The following SEL1L3 variants were observed in gnomAD, a reference collection of about 807,000 sequenced individuals.
The protein encoded by SEL1L3 is protein sel-1 homolog 3.
SEL1L3 carries 76 observed loss-of-function variants against 142.8 expected under a neutral mutation model. The ratio of observed to expected loss-of-function variants is 0.53; its 90% CI spans 0.44 to 0.64. The LOEUF (loss-of-function observed/expected upper bound fraction) is 0.64. Among genes scored for constraint, SEL1L3 ranks in the 30% least tolerant of loss-of-function variants. The pLI, the probability that SEL1L3 is intolerant of heterozygous loss-of-function variation, is 0.00. For synonymous variants in SEL1L3, 504 were observed against 519.6 expected (o/e 0.97, Z 0.41); for missense variants, 1,262 against 1,381.7 (o/e 0.91, Z 1.37).
chr4:25,804,601 T>A lies in SEL1L3; in HGVS notation c.1716A>T (p.Ala572=). ...TDSSCCGYHK[A]SYYLAVFYET... ...CATAAAAGACTGCAAGGTAGTAGGA[T>A]GCTTTATGGTATCCACAGCAGCTGG... Residue 572 remains alanine, a synonymous_variant, in exon 10 of 24, where the codon GCA becomes GCT. Transcript: ENST00000399878. 1 of 1,613,954 alleles carries A rather than the reference T, an allele frequency of 6.2e-7. No individual in the cohort carries two copies. Among genetic ancestry groups the A allele is most frequent in the Non-Finnish European group, 8.5e-7 (1 of 1,179,848 alleles).
chr4:25,798,545 C>A (rs73103970), intron 11 of SEL1L3, among the ~76,000 whole-genome samples: 30 of 152,012 alleles, frequency 2.0e-4, no homozygotes, highest in African/African-American at 6.8e-4. Context: ...AAGACCAGGA[C>A]GGCTGGGCGA....
At chr4:25,771,133 TA>T (rs1226763452) in intron 17 of SEL1L3, among the ~76,000 whole-genome samples, 1 of 152,266 alleles carries the variant, frequency 6.6e-6, no homozygotes, top group Non-Finnish European at 1.5e-5. Context: ...CAGATATTCC[TA>T]CACTTACATT....
At chr4:25,714,388 A>G in the SEL1L3 span, among the ~76,000 whole-genome samples, 1 of 152,186 alleles carries the variant, frequency 6.6e-6, no homozygotes, top group East Asian at 1.9e-4. Context: ...ATCATCTCCA[A>G]AAGTGCCATT....
chr4:25,766,785 T>C (rs1246696078), intron 19 of SEL1L3, among the ~76,000 whole-genome samples: 1 of 152,062 alleles, frequency 6.6e-6, no homozygotes, highest in Non-Finnish European at 1.5e-5. Flanking sequence ...AAGGTAGAAG[T>C]ACTTGGACTT....
In SEL1L3 at chr4:25,807,316, G is replaced by A. The variant is rs1577635566; in HGVS notation, c.1565-2564C>T. Reference sequence around the variant, plus strand: ...CTTCCCTCTGCTAATCTGTTAGGATGACATCTGCATGATAACACCCCTTTT... The same window carrying A: ...CTTCCCTCTGCTAATCTGTTAGGATAACATCTGCATGATAACACCCCTTTT... On this transcript the variant is annotated intron_variant, in intron 9 of 23. Coordinates refer to ENST00000399878, the MANE Select transcript of SEL1L3 (RefSeq NM_015187.5). Among the ~76,000 whole-genome samples the A allele has an allele frequency of 3.9e-5, 6 of 152,264 alleles. 1 individual carries two copies. The highest frequency in any genetic ancestry group is 3.9e-4 in the Admixed American group (6 of 15,282).
intron 12 of SEL1L3, among the ~76,000 whole-genome samples, chr4:25,789,836 A>G (rs1712165440): frequency 1.3e-5 from 2 of 152,026 alleles, no homozygotes; most frequent in Non-Finnish European, 2.9e-5. Flanking sequence ...GTGAAATCAA[A>G]GCAGGGAAGC....
chr4:25,822,324 A>G (rs1376206426), intron 6 of SEL1L3, among the ~76,000 whole-genome samples, 196 bp from the exon 7 acceptor site: 1 of 152,092 alleles, frequency 6.6e-6, no homozygotes, highest in African/African-American at 2.4e-5. Flanking sequence ...CAGCTATGAG[A>G]CCTCAGCCCA....
chr4:25,853,949 G>T (rs1164535178), intron 1 of SEL1L3, among the ~76,000 whole-genome samples: 5 of 152,210 alleles, frequency 3.3e-5, no homozygotes, highest in Admixed American at 6.5e-5. Flanking sequence ...TAGGATTACA[G>T]GTGTGAGCCA....
intron 10 of SEL1L3, 92 bp from the exon 11 acceptor site, chr4:25,802,554 T>C (rs895028866): frequency 3.8e-6 from 4 of 1,052,420 alleles, no homozygotes; most frequent in Admixed American, 4.7e-5. Flanking sequence ...AATTCCTATA[T>C]ACAATCCTAG....
At chr4:25,733,463 A>T in the SEL1L3 span, among the ~76,000 whole-genome samples, 4 of 149,204 alleles carry the variant, frequency 2.7e-5, no homozygotes, top group Admixed American at 2.7e-4. Context: ...TTGACTTTGG[A>T]TTCTACAACA....
At chr4:25,793,408 C>T (rs556452067) in intron 11 of SEL1L3, among the ~76,000 whole-genome samples, 3 of 152,202 alleles carry the variant, frequency 2.0e-5, no homozygotes, top group South Asian at 2.1e-4. Flanking sequence ...TTCAGCCTCC[C>T]GAGTAGCTGA....
rs777563681 is a variant in SEL1L3, at chr4:25,833,481, A to T, written c.949T>A (p.Tyr317Asn). The T allele has an allele frequency of 1.2e-6, 2 of 1,613,040 alleles. No individual in the cohort carries two copies. The highest frequency in any genetic ancestry group is 2.7e-5 in the African/African-American group (2 of 74,918). The change falls in exon 4 of 24, where the codon TAC becomes AAC. Residue 317 changes from tyrosine to asparagine, a missense_variant. Physicochemically the swap from Tyr to Asn is moderately radical, Grantham distance 143. Coordinates refer to ENST00000399878, the MANE Select transcript of SEL1L3 (RefSeq NM_015187.5). ...ILYFVDSNEM[Y>N]GTPSVFLTEE... ...GTAAGAAATACAGAAGGTGTGCCGT[A>T]CATCTCATTAGAGTCAACAAAGTAC...
At chr4:25,855,046 CA>C (rs1367239466) in intron 1 of SEL1L3, among the ~76,000 whole-genome samples, 2 of 152,224 alleles carry the variant, frequency 1.3e-5, no homozygotes, top group Non-Finnish European at 2.9e-5. Flanking sequence ...GGCACCCATG[CA>C]ATGAAGGAAG....
chr4:25,793,717 A>G (rs1165308557), intron 11 of SEL1L3, among the ~76,000 whole-genome samples: 1 of 152,168 alleles, frequency 6.6e-6, no homozygotes, highest in Non-Finnish European at 1.5e-5. Flanking sequence ...TTCTGCATCC[A>G]TAAAATGGAG....
intron 1 of SEL1L3, among the ~76,000 whole-genome samples, chr4:25,860,052 G>A (rs1246101250): frequency 6.6e-6 from 1 of 152,158 alleles, no homozygotes; most frequent in Non-Finnish European, 1.5e-5. Context: ...GACAGATTTG[G>A]GTTTCAATCT....
chr4:25,853,664 CTTTTTTTTTTTTTT>C (rs34922528), intron 1 of SEL1L3, among the ~76,000 whole-genome samples: 3 of 83,004 alleles, frequency 3.6e-5, no homozygotes, highest in Non-Finnish European at 6.3e-5. Context: ...CTCTTCTTAC[CTTTTTTTTTTTTTT>C]TTTTTTTTTT....
At chr4:25,841,250 T>C (rs1187541985) in intron 2 of SEL1L3, among the ~76,000 whole-genome samples, 1 of 152,134 alleles carries the variant, frequency 6.6e-6, no homozygotes, top group Non-Finnish European at 1.5e-5. Context: ...GCTAGGCTGG[T>C]CTCTAACTCC....
At chr4:25,803,778 T>C (rs1577629818) in intron 10 of SEL1L3, among the ~76,000 whole-genome samples, 1 of 150,386 alleles carries the variant, frequency 6.6e-6, no homozygotes, top group East Asian at 1.9e-4. Flanking sequence ...GGGTTTTTTA[T>C]ATGTTTTTTT....
chr4:25,737,514 C>T, the SEL1L3 span, among the ~76,000 whole-genome samples: 10 of 152,078 alleles, frequency 6.6e-5, no homozygotes, highest in Non-Finnish European at 1.3e-4. Flanking sequence ...CATGAGGGCT[C>T]GAACCTCATG....
Sources: gnomAD v4.1 joint callset for allele counts (sites outside exome capture counted in the v4.1 genomes callset) on GRCh38, gnomAD v4.1.1 for gene constraint, MANE v1.5 for transcripts, NCBI Gene and HGNC (gene_info 2026-07-23, HGNC 2026-07-21) for gene names.